UTRN: variants seen among roughly 807,000 people sequenced by gnomAD.
The protein encoded by UTRN is utrophin.
UTRN carries 283 observed loss-of-function variants against 463.9 expected under a neutral mutation model. The ratio of observed to expected loss-of-function variants is 0.61; its 90% CI spans 0.55 to 0.67. The LOEUF is 0.67. Among genes scored for constraint, UTRN ranks in the 30% least tolerant of loss-of-function variants. The pLI is 0.00. For synonymous variants in UTRN, 1,442 were observed against 1,431.5 expected (o/e 1.01, Z -0.17); for missense variants, 3,922 against 4,084.3 (o/e 0.96, Z 1.08).
In UTRN at chr6:144,437,669, T is replaced by G. The variant is rs1225060924; in HGVS notation, c.1164T>G (p.Phe388Leu). Residue 388 changes from phenylalanine (F) to leucine (L), a missense_variant, in exon 11 of 75, where the codon TTT becomes TTG. Coordinates refer to ENST00000367545, the MANE Select transcript of UTRN (RefSeq NM_007124.3). ...TQGTLSDEEE[F>L]EIQEQMTLLN... is the part of the protein sequence containing the mutation. ...GAACTCTGTCAGACGAAGAAGAATT[T>G]GAGATTCAGGAACAGATGACCCTGC... The G allele has an allele frequency of 1.2e-6, 2 of 1,614,212 alleles. No individual in the cohort carries two copies. Among genetic ancestry groups the G allele is most frequent in the Non-Finnish European group, 1.7e-6 (2 of 1,180,036 alleles).
Position 144,448,437 on chromosome 6 carries a change from G to A in UTRN, c.1903-163G>A, listed in dbSNP as rs571291058. ...TGGCTATGGGATTTCTTTTTGGGGT[G>A]ATAAAATGTTCTGGAGACAGACTGT... On this transcript the variant is annotated intron_variant, in intron 16 of 74. Coordinates refer to ENST00000367545, the MANE Select transcript of UTRN (RefSeq NM_007124.3). 5.3e-5 allele frequency among the ~76,000 whole-genome samples: 8 copies of A among 152,312 alleles called. No homozygotes were observed. The East Asian group carries it at 1.5e-3, about 29-fold the overall frequency.
At chr6:144,813,457 G>A (rs1277823740) in intron 65 of UTRN, among the ~76,000 whole-genome samples, 1 of 152,292 alleles carries the variant, frequency 6.6e-6, no homozygotes, top group East Asian at 1.9e-4. Context: ...CAAAGTGCTG[G>A]GATTACAGGC....
intron 67 of UTRN, 103 bp from the exon 68 acceptor site, chr6:144,827,508 T>C: frequency 6.3e-7 from 1 of 1,594,242 alleles, no homozygotes; most frequent in East Asian, 2.2e-5. Flanking sequence ...CCTAGTGGTC[T>C]GTTTGCATGG....
chr6:144,748,928 T>C (rs1791064736), intron 55 of UTRN, among the ~76,000 whole-genome samples: 1 of 152,158 alleles, frequency 6.6e-6, no homozygotes, highest in African/African-American at 2.4e-5. Flanking sequence ...TTTTGCAGAA[T>C]TGTGTCCATA....
At position 144,835,791 on chromosome 6, in the gene UTRN, A is replaced by C. The variant is rs1306395883; in HGVS notation, c.9677A>C (p.His3226Pro). 2 of 1,613,930 alleles carry C rather than the reference A, an allele frequency of 1.2e-6. No homozygotes were observed. The highest frequency in any genetic ancestry group is 2.7e-5 in the African/African-American group (2 of 74,916). Residue 3226 changes from histidine (H) to proline (P), a missense_variant, in exon 70 of 75, where the codon CAC (histidine) becomes CCC (proline). His to Pro is a moderately conservative substitution (Grantham distance 77). Coordinates refer to ENST00000367545, the MANE Select transcript of UTRN (RefSeq NM_007124.3). ...SSTTGSVEDE[H>P]ALIQQYCQTL... ...CTTTGTCTTGCTAGGGAAGACGAGC[A>C]CGCCCTCATCCAGCAGTATTGCCAA...
intron 51 of UTRN, among the ~76,000 whole-genome samples, chr6:144,643,760 G>A (rs1028737685): frequency 1.3e-5 from 2 of 150,520 alleles, no homozygotes; most frequent in South Asian, 2.1e-4. Flanking sequence ...CCATGCCATT[G>A]CACTCCAGCC....
chr6:144,717,799 C>G (rs1160133845), intron 53 of UTRN, among the ~76,000 whole-genome samples: 3 of 151,576 alleles, frequency 2.0e-5, no homozygotes, highest in Non-Finnish European at 4.4e-5. Context: ...CCACACCCAG[C>G]TAATTTTTGT....
chr6:144,504,450 G>C (rs992726347), intron 34 of UTRN, among the ~76,000 whole-genome samples: 1 of 152,142 alleles, frequency 6.6e-6, no homozygotes, highest in African/African-American at 2.4e-5. Flanking sequence ...TAGCATGAAG[G>C]GGTATTGAAT....
Position 144,506,758 on chromosome 6 carries a change from G to T in UTRN, c.4765-4186G>T, listed in dbSNP as rs948588896. 3.3e-5 allele frequency among the ~76,000 whole-genome samples: 5 copies of T among 152,104 alleles called. No individual in the cohort carries two copies. The South Asian group carries it at 6.2e-4, about 19-fold the overall frequency. On this transcript the variant is annotated intron_variant, in intron 34 of 74. Transcript: ENST00000367545. ...GTGTCTTGGGGTTGCTCTTCTTGAG[G>T]AGGAGTATCTTTGTGGCATTCTCTG...
chr6:144,492,447 G>T (rs1295567869), intron 32 of UTRN, among the ~76,000 whole-genome samples: 1 of 152,176 alleles, frequency 6.6e-6, no homozygotes, highest in African/African-American at 2.4e-5. Flanking sequence ...TTGATGACAT[G>T]TCTTTGCTAT....
chr6:144,395,150 A>G (rs1408028488), intron 2 of UTRN, among the ~76,000 whole-genome samples: 1 of 152,166 alleles, frequency 6.6e-6, no homozygotes, highest in Non-Finnish European at 1.5e-5. Flanking sequence ...CCTTTTGTCA[A>G]TCAATAAAAA....
At chr6:144,583,552 C>T (rs1802182999) in intron 51 of UTRN, 1 of 715,482 alleles carries the variant, frequency 1.4e-6, no homozygotes. Context: ...TGTTGCATCG[C>T]TTACAAAGGA....
At chr6:144,285,850 GC>G (rs1803615544) in intron 1 of UTRN, 29 bp downstream of exon 1, 1 of 152,212 alleles carries the variant, frequency 6.6e-6, no homozygotes, top group Admixed American at 6.5e-5. Context: ...GAAGCCTCGG[GC>G]TGGTAATGTG....
At chr6:144,689,143 C>T (rs1783059395) in intron 52 of UTRN, among the ~76,000 whole-genome samples, 1 of 152,216 alleles carries the variant, frequency 6.6e-6, no homozygotes, top group Non-Finnish European at 1.5e-5. Flanking sequence ...GACTGTGACT[C>T]TACCCCTCAT....
chr6:144,539,462 TCA>T lies in UTRN; in HGVS notation c.6519+24_6519+25del. On this transcript the variant is annotated intron_variant, in intron 45 of 74. Coordinates refer to ENST00000367545, the MANE Select transcript of UTRN (RefSeq NM_007124.3). ...GAATAAGGTGTGTGTAAAGTTACTA[TCA>T]CACATTTCTCATATTTATTGATTTT... 6.4e-7 allele frequency: 1 copy of T among 1,561,818 alleles called. No homozygotes were observed. The highest frequency in any genetic ancestry group is 8.7e-7 in the Non-Finnish European group (1 of 1,152,362).
chr6:144,331,027 T>C (rs1409857753), intron 2 of UTRN: 1 of 985,218 alleles, frequency 1.0e-6, no homozygotes, highest in Non-Finnish European at 1.2e-6. Context: ...AGGTAAAGAC[T>C]CATTGAGAAT....
At chr6:144,561,208 TATATATATATA>T (rs1799842187) in intron 50 of UTRN, among the ~76,000 whole-genome samples, 19 of 3,344 alleles carry the variant, frequency 5.7e-3, no homozygotes, top group Non-Finnish European at 0.012. Flanking sequence ...AATAACATTA[TATATATATATA>T]TATATATATA....
At chr6:144,706,503 G>C (rs1586131021) in intron 53 of UTRN, among the ~76,000 whole-genome samples, 1 of 151,276 alleles carries the variant, frequency 6.6e-6, no homozygotes, top group Middle Eastern at 3.4e-3. Context: ...TATTTTTTAA[G>C]GAAAAATAAC....
At chr6:144,364,746 T>C (rs779741769) in intron 2 of UTRN, among the ~76,000 whole-genome samples, 1 of 152,216 alleles carries the variant, frequency 6.6e-6, no homozygotes, top group Admixed American at 6.5e-5. Flanking sequence ...GACAGGGCCA[T>C]GTTCCTTCTG....
Sources: gnomAD v4.1 joint callset for allele counts (sites outside exome capture counted in the v4.1 genomes callset) on GRCh38, gnomAD v4.1.1 for gene constraint, MANE v1.5 for transcripts, NCBI Gene and HGNC (gene_info 2026-07-23, HGNC 2026-07-21) for gene names.